RAPGEF4: variants seen among roughly 807,000 people sequenced by gnomAD.
The protein encoded by RAPGEF4 is RAP guanine-nucleotide-exchange factor (GEF) 4.
In RAPGEF4, 66 loss-of-function variants were observed where a neutral mutation model predicts 147.9. The observed-to-expected ratio is 0.45, with a 90% CI of 0.37 to 0.55. The LOEUF is 0.55. Among genes scored for constraint, RAPGEF4 ranks in the 20% least tolerant of loss-of-function variants. The pLI is 0.00. For synonymous variants in RAPGEF4, 419 were observed against 442.7 expected (o/e 0.95, Z 0.67); for missense variants, 1,071 against 1,257.3 (o/e 0.85, Z 2.24).
At chr2:172,839,865 G>A (rs781636095) in intron 4 of RAPGEF4, among the ~76,000 whole-genome samples, 1 of 152,146 alleles carries the variant, frequency 6.6e-6, no homozygotes, top group Non-Finnish European at 1.5e-5. Context: ...CCTGGGCATT[G>A]GGCGTACGGA....
chr2:172,766,491 G>T (rs958938505), intron 1 of RAPGEF4, among the ~76,000 whole-genome samples: 3 of 152,220 alleles, frequency 2.0e-5, no homozygotes, highest in East Asian at 3.9e-4. Context: ...GGTGGAGGTT[G>T]CAGGGAGTCA....
chr2:173,045,787 A>G (rs1685396440), intron 29 of RAPGEF4, among the ~76,000 whole-genome samples: 1 of 152,232 alleles, frequency 6.6e-6, no homozygotes, highest in Non-Finnish European at 1.5e-5. Flanking sequence ...GATGCATTCA[A>G]ACAGTGGGAG....
chr2:172,769,412 C>G (rs1181348434), intron 1 of RAPGEF4, among the ~76,000 whole-genome samples: 1 of 152,156 alleles, frequency 6.6e-6, no homozygotes, highest in African/African-American at 2.4e-5. Flanking sequence ...AGACAGTAGC[C>G]TGGGACAAAG....
At chr2:172,827,970 G>A (rs1013587269) in intron 4 of RAPGEF4, among the ~76,000 whole-genome samples, 1 of 152,062 alleles carries the variant, frequency 6.6e-6, no homozygotes, top group African/African-American at 2.4e-5. Flanking sequence ...TAGTTGTAGT[G>A]CCTCTATTAA....
chr2:172,874,479 A>G (rs1292403539), intron 4 of RAPGEF4, among the ~76,000 whole-genome samples: 3 of 151,924 alleles, frequency 2.0e-5, no homozygotes, highest in Non-Finnish European at 4.4e-5. Context: ...ATTCCCGCCT[A>G]TGAGTGAGAA....
rs73979552 is a variant in RAPGEF4 at position 172,792,722 on chromosome 2, A to G, written c.66-2303A>G. 5.3e-3 allele frequency among the ~76,000 whole-genome samples: 800 copies of G among 152,262 alleles called. 4 individuals carry two copies. Among genetic ancestry groups the G allele is most frequent in the African/African-American group, 0.018 (736 of 41,538 alleles). On this transcript the variant is annotated intron_variant, in intron 1 of 30. Coordinates refer to ENST00000397081, the MANE Select transcript of RAPGEF4 (RefSeq NM_007023.4). ...CTACTCATGTCCTCTGAAAATGTTCATCTCTCATGATGGAATCTGTCTTCT... is the reference window on the plus strand; with the variant it reads ...CTACTCATGTCCTCTGAAAATGTTCGTCTCTCATGATGGAATCTGTCTTCT...
intron 3 of RAPGEF4, among the ~76,000 whole-genome samples, chr2:172,800,711 G>A (rs1301429923): frequency 1.3e-5 from 2 of 152,160 alleles, no homozygotes; most frequent in African/African-American, 4.8e-5. Context: ...GAAACCTCAA[G>A]GGAAACCTAT....
chr2:172,860,237 T>TA lies in RAPGEF4; in HGVS notation c.444+45820dup, dbSNP rs527727965. The TA allele has an allele frequency of 4.0e-5, 39 of 984,628 alleles. No homozygotes were observed. In the South Asian group the frequency reaches 1.4e-3, roughly 34 times the overall value. The allele number at this position is 984,628 out of a possible 1,614,324, so 61.0% of individuals were successfully genotyped here. On this transcript the variant is annotated intron_variant, in intron 4 of 30. Coordinates refer to ENST00000397081, the MANE Select transcript of RAPGEF4 (RefSeq NM_007023.4). ...CAGTGAGAAGAGGAGAACATGGATTTAAAAAAAACTAGAATGTACCCCTAG... is the reference window on the plus strand; with the variant it reads ...CAGTGAGAAGAGGAGAACATGGATTTAAAAAAAAACTAGAATGTACCCCTAG...
intron 4 of RAPGEF4, among the ~76,000 whole-genome samples, chr2:172,840,375 C>A (rs1233098691): frequency 6.6e-6 from 1 of 152,198 alleles, no homozygotes; most frequent in Non-Finnish European, 1.5e-5. Context: ...ACAGATTAGC[C>A]AGATCAACCT....
At chr2:172,849,347 C>T (rs746484388) in intron 4 of RAPGEF4, among the ~76,000 whole-genome samples, 16 of 152,136 alleles carry the variant, frequency 1.1e-4, no homozygotes, top group Non-Finnish European at 1.9e-4. Flanking sequence ...CTAATAAGAG[C>T]CCTTTATTAG....
At chr2:172,798,648 C>CTTTTTTTTTTTTTTTTTTTTTTTTTTG (rs1268901656) in intron 3 of RAPGEF4, among the ~76,000 whole-genome samples, 4 of 151,840 alleles carry the variant, frequency 2.6e-5, no homozygotes, top group African/African-American at 7.3e-5. Flanking sequence ...GAGGCTTTTT[C>CTTTTTTTTTTTTTTTTTTTTTTTTTTG]ATAGGTAGCA....
intron 1 of RAPGEF4, among the ~76,000 whole-genome samples, chr2:172,777,364 TA>T (rs1053077432): frequency 4.0e-4 from 60 of 149,446 alleles, no homozygotes; most frequent in Non-Finnish European, 7.3e-4. Context: ...AATAGTTATT[TA>T]AAAAAAAAAC....
chr2:172,996,392 C>A (rs541680663), intron 15 of RAPGEF4, 74 bp from the exon 16 acceptor site: 179 of 688,546 alleles, frequency 2.6e-4, no homozygotes, highest in Middle Eastern at 8.5e-4. Context: ...AAAAAAAAAA[C>A]TTAGATAAGT....
At position 173,030,230 on chromosome 2, in the gene RAPGEF4, G is replaced by A. The variant is rs376798860; in HGVS notation, c.2625G>A (p.Val875=). ...AIVMGLSNVA[V]SRLALTWEKL... ...TCATGGGACTAAGTAACGTTGCTGT[G>A]AGCCGCTTGGCACTAACGTGGGAGG... The change falls in exon 26 of 31, where the codon GTG becomes GTA. Residue 875 remains valine, a synonymous_variant. Coordinates refer to ENST00000397081, the MANE Select transcript of RAPGEF4 (RefSeq NM_007023.4). The A allele has an allele frequency of 1.2e-6, 2 of 1,613,390 alleles. No individual in the cohort carries two copies. The highest frequency in any genetic ancestry group is 2.7e-5 in the African/African-American group (2 of 74,992).
At chr2:172,746,718 T>A (rs554534745) in intron 1 of RAPGEF4, among the ~76,000 whole-genome samples, 3 of 152,062 alleles carry the variant, frequency 2.0e-5, no homozygotes, top group African/African-American at 7.2e-5. Context: ...GTTCAAGCAA[T>A]TCTCCTGCCC....
chr2:172,888,103 A>G (rs542576484), intron 4 of RAPGEF4, among the ~76,000 whole-genome samples: 1 of 152,358 alleles, frequency 6.6e-6, no homozygotes, highest in South Asian at 2.1e-4. Context: ...TAGATGCTCA[A>G]GAAGTCACTG....
At chr2:172,826,114 C>T (rs569657075) in intron 4 of RAPGEF4, among the ~76,000 whole-genome samples, 6 of 152,282 alleles carry the variant, frequency 3.9e-5, no homozygotes, top group African/African-American at 1.4e-4. Context: ...AAGATCCCAG[C>T]GATTTGACTG....
intron 6 of RAPGEF4, among the ~76,000 whole-genome samples, chr2:172,933,280 G>A (rs1332279260): frequency 6.6e-6 from 1 of 152,016 alleles, no homozygotes; most frequent in Non-Finnish European, 1.5e-5. Context: ...CATTCTAGAT[G>A]GATTTTGGAA....
intron 1 of RAPGEF4, among the ~76,000 whole-genome samples, chr2:172,783,749 T>C (rs1346836294): frequency 1.3e-5 from 2 of 150,968 alleles, no homozygotes; most frequent in African/African-American, 4.9e-5. Flanking sequence ...TATCTGTGTG[T>C]GTGTATGTGC....
Sources: gnomAD v4.1 joint callset for allele counts (sites outside exome capture counted in the v4.1 genomes callset) on GRCh38, gnomAD v4.1.1 for gene constraint, MANE v1.5 for transcripts, NCBI Gene and HGNC (gene_info 2026-07-23, HGNC 2026-07-21) for gene names.